ZBTB20: variants seen among roughly 807,000 people sequenced by gnomAD.
ZBTB20 encodes zinc finger and BTB domain-containing protein 20.
ZBTB20 carries 9 observed loss-of-function variants against 56.9 expected under a neutral mutation model. The ratio of observed to expected loss-of-function variants is 0.16; its 90% confidence interval spans 0.10 to 0.28. The LOEUF (loss-of-function observed/expected upper bound fraction) is 0.28, where lower values mean the gene tolerates loss of function less well. ZBTB20 is among the 10% of genes least tolerant of loss of function. The pLI, the probability that ZBTB20 is intolerant of heterozygous loss-of-function variation, is 1.00. For missense variants in ZBTB20, 655 were observed against 1,003.0 expected (o/e 0.65, Z 4.69); for synonymous variants, 417 against 420.7 (o/e 0.99, Z 0.11).
intron 1 of ZBTB20, among the ~76,000 whole-genome samples, chr3:115,097,886 C>G (rs1479963779): frequency 6.6e-6 from 1 of 152,158 alleles, no homozygotes; most frequent in African/African-American, 2.4e-5. Flanking sequence ...TAGATTGTGA[C>G]AGTCCCTCCC....
At chr3:114,773,006 T>C (rs1211525732) in intron 5 of ZBTB20, among the ~76,000 whole-genome samples, 2 of 152,136 alleles carry the variant, frequency 1.3e-5, no homozygotes, top group Non-Finnish European at 2.9e-5. Context: ...ATGTCAAGTG[T>C]AATAATGATT....
At chr3:114,578,508 C>A (rs987877796) in intron 6 of ZBTB20, among the ~76,000 whole-genome samples, 1 of 151,974 alleles carries the variant, frequency 6.6e-6, no homozygotes, top group East Asian at 1.9e-4. Flanking sequence ...CACGTCCAGA[C>A]ACATTTCAGA....
intron 7 of ZBTB20, among the ~76,000 whole-genome samples, chr3:114,414,420 G>A (rs1360229237): frequency 1.3e-5 from 2 of 152,062 alleles, no homozygotes; most frequent in African/African-American, 2.4e-5. Context: ...AGAAGAATCC[G>A]GAGTTTACTT....
intron 6 of ZBTB20, among the ~76,000 whole-genome samples, chr3:114,632,941 T>G (rs2059041085): frequency 6.6e-6 from 1 of 152,212 alleles, no homozygotes; most frequent in East Asian, 1.9e-4. Context: ...AACATTCAAC[T>G]GTGCAGGCCA....
chr3:114,574,055 A>AATTTTTAGT (rs1309142689), intron 6 of ZBTB20, among the ~76,000 whole-genome samples: 3 of 151,982 alleles, frequency 2.0e-5, no homozygotes, highest in Non-Finnish European at 4.4e-5. Flanking sequence ...TTGGACCAGG[A>AATTTTTAGT]ATTTTTAGTT....
At chr3:114,567,224 G>A (rs2052879746) in intron 6 of ZBTB20, among the ~76,000 whole-genome samples, 1 of 152,068 alleles carries the variant, frequency 6.6e-6, no homozygotes, top group Non-Finnish European at 1.5e-5. Flanking sequence ...TTTTCTTAGT[G>A]TGATGGTTGC....
At chr3:114,758,596 T>C (rs1190228442) in intron 5 of ZBTB20, among the ~76,000 whole-genome samples, 2 of 152,154 alleles carry the variant, frequency 1.3e-5, no homozygotes, top group Non-Finnish European at 2.9e-5. Context: ...AAGTGATAAT[T>C]TTACACATAT....
chr3:114,750,895 T>C (rs1045145697), intron 5 of ZBTB20, among the ~76,000 whole-genome samples: 2 of 152,218 alleles, frequency 1.3e-5, no homozygotes, highest in African/African-American at 4.8e-5. Context: ...TGCTATTCAT[T>C]TGCATTGAGG....
chr3:114,484,188 A>AT (rs2041858585), intron 7 of ZBTB20, among the ~76,000 whole-genome samples: 1 of 152,138 alleles, frequency 6.6e-6, no homozygotes, highest in Non-Finnish European at 1.5e-5. Context: ...GGAAAATTAC[A>AT]TTTTTCTGAG....
intron 2 of ZBTB20, among the ~76,000 whole-genome samples, chr3:115,059,394 C>T (rs1042708007): frequency 1.3e-5 from 2 of 152,114 alleles, no homozygotes; most frequent in Admixed American, 6.5e-5. Flanking sequence ...TTGTTAGGCC[C>T]TACTGAAAAA....
At chr3:114,528,161 C>T (rs2047449414) in intron 6 of ZBTB20, among the ~76,000 whole-genome samples, 1 of 151,962 alleles carries the variant, frequency 6.6e-6, no homozygotes. Context: ...AAAATGTGCT[C>T]TAGAGTCAAA....
intron 4 of ZBTB20, among the ~76,000 whole-genome samples, chr3:114,848,331 G>T (rs995589834): frequency 6.6e-6 from 1 of 152,124 alleles, no homozygotes; most frequent in African/African-American, 2.4e-5. Context: ...AACAAACAGG[G>T]CCTGTTTATT....
intron 6 of ZBTB20, among the ~76,000 whole-genome samples, chr3:114,583,322 A>G (rs2054845295): frequency 6.6e-6 from 1 of 152,238 alleles, no homozygotes; most frequent in South Asian, 2.1e-4. Context: ...TAAGTTTCGC[A>G]TAAGTGAAAA....
intron 6 of ZBTB20, among the ~76,000 whole-genome samples, chr3:114,606,511 T>C (rs2057164798): frequency 6.6e-6 from 1 of 152,154 alleles, no homozygotes; most frequent in African/African-American, 2.4e-5. Context: ...GATCAAAAGG[T>C]TGCAGGCTGC....
chr3:114,523,510 TAGAA>T (rs2046872500), intron 6 of ZBTB20, among the ~76,000 whole-genome samples: 2 of 152,146 alleles, frequency 1.3e-5, no homozygotes, highest in Non-Finnish European at 2.9e-5. Flanking sequence ...AAAGTTTTGA[TAGAA>T]AGAGAAAATT....
At chr3:115,030,586 C>T (rs2080627582) in intron 2 of ZBTB20, among the ~76,000 whole-genome samples, 1 of 150,738 alleles carries the variant, frequency 6.6e-6, no homozygotes, top group African/African-American at 2.4e-5. Flanking sequence ...AAGCTAACAT[C>T]AATAGGGAGA....
intron 2 of ZBTB20, among the ~76,000 whole-genome samples, chr3:115,067,510 T>G (rs1372523030): frequency 6.8e-6 from 1 of 146,970 alleles, no homozygotes; most frequent in Non-Finnish European, 1.5e-5. Context: ...ATTTTCAACA[T>G]AACAGAAAGA....
chr3:114,832,316 T>A (rs1030221108), intron 4 of ZBTB20, among the ~76,000 whole-genome samples: 20 of 152,088 alleles, frequency 1.3e-4, no homozygotes, highest in Middle Eastern at 3.2e-3. Flanking sequence ...GGACTACCTT[T>A]TACCTACCAA....
chr3:114,343,263 A>G (rs1048366054), intron 11 of ZBTB20, among the ~76,000 whole-genome samples: 7 of 152,162 alleles, frequency 4.6e-5, no homozygotes, highest in African/African-American at 1.7e-4. Flanking sequence ...CCAATTTTGA[A>G]TAGGAACCTC....
Sources: allele counts gnomAD v4.1 joint callset (sites outside exome capture counted in the v4.1 genomes callset), GRCh38; gene constraint gnomAD v4.1.1; transcripts MANE v1.5; gene names NCBI Gene and HGNC (gene_info 2026-07-23, HGNC 2026-07-21).